Variants in QTMAN observed in about 807,000 individuals in gnomAD.
QTMAN encodes the protein queuosine-tRNA mannosyltransferase.
chr2:144,317,215 A>T, the QTMAN span, among the ~76,000 whole-genome samples: 1 of 152,156 alleles, frequency 6.6e-6, no homozygotes, highest in East Asian at 1.9e-4. Flanking sequence ...CACTTTCTCC[A>T]TTCAAAAAAT....
chr2:144,260,517 T>C, the QTMAN span, among the ~76,000 whole-genome samples: 4 of 152,152 alleles, frequency 2.6e-5, no homozygotes, highest in African/African-American at 9.6e-5. Context: ...TAGGGCAATA[T>C]TATTTAAATC....
chr2:144,198,571 G>A, the QTMAN span, among the ~76,000 whole-genome samples: 1 of 152,180 alleles, frequency 6.6e-6, no homozygotes, highest in East Asian at 1.9e-4. Context: ...GAAGAGTCAA[G>A]GACGCAGGAG....
the QTMAN span, among the ~76,000 whole-genome samples, chr2:143,973,824 T>C: frequency 6.6e-6 from 1 of 151,650 alleles, no homozygotes; most frequent in South Asian, 2.1e-4. Context: ...AATTGCCTAA[T>C]ATTCAATTAT....
At chr2:144,332,437 ACCT>A in the QTMAN span, 621 of 142,506 alleles carry the variant, frequency 4.4e-3, 2 homozygotes, top group Middle Eastern at 7.4e-3. Context: ...GAGCCTACTC[ACCT>A]CCTCCTCCTC....
chr2:144,038,512 C>G, the QTMAN span, among the ~76,000 whole-genome samples: 2 of 152,256 alleles, frequency 1.3e-5, no homozygotes, highest in Admixed American at 6.5e-5. Context: ...AGTTTATTCA[C>G]TATTGAGTAC....
At chr2:143,950,737 A>G in the QTMAN span, among the ~76,000 whole-genome samples, 1 of 151,606 alleles carries the variant, frequency 6.6e-6, no homozygotes, top group Non-Finnish European at 1.5e-5. Flanking sequence ...GATATTTCAT[A>G]CAAACAAAAC....
chr2:144,313,815 T>C, the QTMAN span, among the ~76,000 whole-genome samples: 1 of 151,604 alleles, frequency 6.6e-6, no homozygotes, highest in Non-Finnish European at 1.5e-5. Flanking sequence ...TAAAATATAC[T>C]AGATTTCAGC....
At chr2:144,321,533 C>T in the QTMAN span, among the ~76,000 whole-genome samples, 1 of 152,098 alleles carries the variant, frequency 6.6e-6, no homozygotes, top group Non-Finnish European at 1.5e-5. Context: ...TGTAGATTGA[C>T]GGTACTAGAA....
chr2:144,306,993 T>C, the QTMAN span, among the ~76,000 whole-genome samples: 1 of 151,004 alleles, frequency 6.6e-6, no homozygotes, highest in Non-Finnish European at 1.5e-5. Flanking sequence ...AACCCCCGTC[T>C]CTACTAAAAA....
the QTMAN span, among the ~76,000 whole-genome samples, chr2:144,038,336 C>G: frequency 6.6e-6 from 1 of 151,994 alleles, no homozygotes; most frequent in South Asian, 2.1e-4. Flanking sequence ...ATACATTACA[C>G]ATACATATAC....
the QTMAN span, among the ~76,000 whole-genome samples, chr2:144,304,762 G>A: frequency 6.6e-6 from 1 of 152,130 alleles, no homozygotes; most frequent in South Asian, 2.1e-4. Flanking sequence ...ATAAATAAAA[G>A]CTATTTTAAA....
the QTMAN span, among the ~76,000 whole-genome samples, chr2:144,329,202 A>G: frequency 6.6e-6 from 1 of 151,978 alleles, no homozygotes; most frequent in Non-Finnish European, 1.5e-5. Flanking sequence ...CTATCACACC[A>G]TTGCAATCCA....
chr2:144,204,023 G>C, the QTMAN span, among the ~76,000 whole-genome samples: 6 of 152,094 alleles, frequency 3.9e-5, no homozygotes, highest in African/African-American at 1.4e-4. Context: ...TTAAATGTTA[G>C]ACCTAAAACC....
At chr2:144,049,941 T>C in the QTMAN span, among the ~76,000 whole-genome samples, 1 of 152,176 alleles carries the variant, frequency 6.6e-6, no homozygotes, top group Non-Finnish European at 1.5e-5. Context: ...AAGTTTATAA[T>C]TGGTATTGCA....
chr2:143,954,083 A>G, the QTMAN span, among the ~76,000 whole-genome samples: 2 of 152,072 alleles, frequency 1.3e-5, no homozygotes, highest in African/African-American at 2.4e-5. Flanking sequence ...TAATTTCAGA[A>G]TGCAAACTAA....
the QTMAN span, among the ~76,000 whole-genome samples, chr2:144,250,050 A>G: frequency 3.3e-5 from 5 of 152,160 alleles, no homozygotes; most frequent in Admixed American, 6.5e-5. Flanking sequence ...AGCAATAAAC[A>G]AATCATAAAT....
At chr2:144,007,917 A>C in the QTMAN span, among the ~76,000 whole-genome samples, 2 of 152,228 alleles carry the variant, frequency 1.3e-5, no homozygotes, top group Non-Finnish European at 2.9e-5. Context: ...ATTAACCTAC[A>C]AAAATGTTTG....
At chr2:144,086,170 T>C in the QTMAN span, among the ~76,000 whole-genome samples, 1 of 152,186 alleles carries the variant, frequency 6.6e-6, no homozygotes, top group African/African-American at 2.4e-5. Flanking sequence ...GAGCTCCTAG[T>C]TCTCTTTGCT....
the QTMAN span, among the ~76,000 whole-genome samples, chr2:144,081,743 C>T: frequency 5.3e-5 from 8 of 152,156 alleles, no homozygotes; most frequent in South Asian, 1.7e-3. Context: ...TCACACATCT[C>T]CATACCTTCG....
Sources: gnomAD v4.1 joint callset for allele counts (sites outside exome capture counted in the v4.1 genomes callset) on GRCh38, gnomAD v4.1.1 for gene constraint, MANE v1.5 for transcripts, NCBI Gene and HGNC (gene_info 2026-07-23, HGNC 2026-07-21) for gene names.